Variants in NEBL observed in about 807,000 individuals in gnomAD.
NEBL encodes LIM and SH3 protein 2.
NEBL carries 122 observed loss-of-function variants against 140.2 expected under a neutral mutation model. The observed-to-expected ratio is 0.87, with a 90% CI of 0.75 to 1.01. The LOEUF (loss-of-function observed/expected upper bound fraction) is 1.01. Among genes scored for constraint, NEBL ranks in the 50% least tolerant of loss-of-function variants. The pLI, the probability that NEBL is intolerant of heterozygous loss-of-function variation, is 0.00. For missense variants in NEBL, 1,365 were observed against 1,231.3 expected, an observed-to-expected ratio of 1.11 and a Z score of -1.62; for synonymous variants, 436 against 398.9, an observed-to-expected ratio of 1.09 and a Z score of -1.11.
Position 20,855,327 on chromosome 10 carries a change from T to G in NEBL, c.904-2678A>C, listed in dbSNP as rs187942199. Among the ~76,000 whole-genome samples the G allele has an allele frequency of 2.0e-3, 306 of 152,048 alleles. 2 individuals carry two copies. Among genetic ancestry groups the G allele is most frequent in the Middle Eastern group, 6.8e-3 (2 of 292 alleles). On this transcript the variant is annotated intron_variant, in intron 9 of 27. Transcript: ENST00000377122. ...TTTGATTAGAAGTTATCTTGTAATA[T>G]GTATTTATAAAATAATCATGAATGT...
intron 4 of NEBL, among the ~76,000 whole-genome samples, chr10:20,902,429 G>T (rs991043835): frequency 4.0e-5 from 6 of 151,768 alleles, no homozygotes; most frequent in Admixed American, 3.3e-4. Context: ...ATTTAATAAG[G>T]TATATTCCAT....
At chr10:21,272,255 G>A (rs1037286910) in intron 1 of NEBL, among the ~76,000 whole-genome samples, 17 of 145,336 alleles carry the variant, frequency 1.2e-4, no homozygotes, top group Admixed American at 2.8e-4. Flanking sequence ...GTAAGCCACC[G>A]CACCCGGCAA....
Position 21,042,292 on chromosome 10 carries a change from G to A in NEBL, c.165-22091C>T, listed in dbSNP as rs1288079963. Among the ~76,000 whole-genome samples, 3 of 152,202 alleles carry A rather than the reference G, an allele frequency of 2.0e-5. No homozygotes were observed. In the East Asian group the frequency reaches 5.8e-4, roughly 29 times the overall value. On this transcript the variant is annotated intron_variant, in intron 2 of 6. Transcript: ENST00000417816. ...GTACGTCTTGGAGAGTACACAGCTA[G>A]TGAGTGTTGGATCCAAAAATCTAAC...
intron 3 of NEBL, among the ~76,000 whole-genome samples, chr10:21,200,154 G>T (rs1341391298): frequency 6.6e-6 from 1 of 151,878 alleles, no homozygotes; most frequent in Non-Finnish European, 1.5e-5. Flanking sequence ...TACCCTACAG[G>T]TGCTGCACCA....
intron 3 of NEBL, among the ~76,000 whole-genome samples, chr10:20,985,147 G>A (rs1837207690): frequency 6.6e-6 from 1 of 152,154 alleles, no homozygotes; most frequent in South Asian, 2.1e-4. Context: ...TAAATGTAAT[G>A]TACTTGAATT....
chr10:20,962,633 G>A (rs1016598825), intron 3 of NEBL, among the ~76,000 whole-genome samples: 2 of 152,162 alleles, frequency 1.3e-5, no homozygotes, highest in Admixed American at 1.3e-4. Context: ...TGTCACACCA[G>A]TTAAAGATTT....
intron 2 of NEBL, chr10:21,030,578 C>G (rs193042315): frequency 5.9e-4 from 395 of 666,652 alleles, no homozygotes; most frequent in African/African-American, 5.8e-3. Context: ...CACGAATACC[C>G]TACAAGTGGT....
chr10:21,138,967 A>G (rs906917363), intron 2 of NEBL, among the ~76,000 whole-genome samples: 3 of 152,350 alleles, frequency 2.0e-5, no homozygotes, highest in Non-Finnish European at 2.9e-5. Context: ...AACAGCCACT[A>G]TCCATGACTT....
At chr10:20,861,273 G>A (rs866621594) in intron 7 of NEBL, among the ~76,000 whole-genome samples, 23 of 152,214 alleles carry the variant, frequency 1.5e-4, no homozygotes, top group South Asian at 2.1e-4. Flanking sequence ...CACCTCCCAG[G>A]TTCACGCCAT....
At chr10:20,818,739 G>A in intron 20 of NEBL, 1 of 949,442 alleles carries the variant, frequency 1.1e-6, no homozygotes, top group Non-Finnish European at 1.3e-6. Flanking sequence ...ACAATGCCCA[G>A]TACATTTGGG....
intron 4 of NEBL, among the ~76,000 whole-genome samples, chr10:20,949,785 C>T (rs1835370458): frequency 6.6e-6 from 1 of 151,646 alleles, no homozygotes; most frequent in Non-Finnish European, 1.5e-5. Context: ...ATTTAAATGG[C>T]TGTTAAGCGA....
At chr10:21,222,656 G>C (rs1842087657) in intron 3 of NEBL, among the ~76,000 whole-genome samples, 1 of 152,146 alleles carries the variant, frequency 6.6e-6, no homozygotes, top group African/African-American at 2.4e-5. Flanking sequence ...GAAATATTTT[G>C]ATACAGGCAT....
chr10:21,102,429 T>C (rs1837518774), intron 2 of NEBL, among the ~76,000 whole-genome samples: 1 of 152,188 alleles, frequency 6.6e-6, no homozygotes, highest in South Asian at 2.1e-4. Flanking sequence ...TCCCCATCCT[T>C]ACCCACTAAC....
intron 13 of NEBL, among the ~76,000 whole-genome samples, chr10:20,839,877 A>T (rs1049295199): frequency 6.6e-6 from 1 of 152,166 alleles, no homozygotes; most frequent in East Asian, 1.9e-4. Context: ...TCCTTTTATT[A>T]AGTGGGTTCA....
chr10:21,064,257 C>T (rs1389058915), intron 2 of NEBL, among the ~76,000 whole-genome samples: 2 of 152,168 alleles, frequency 1.3e-5, no homozygotes, highest in African/African-American at 4.8e-5. Context: ...AAAATACATA[C>T]ATATTTCCTT....
chr10:21,165,020 C>G (rs994481981), intron 2 of NEBL, among the ~76,000 whole-genome samples: 1 of 152,172 alleles, frequency 6.6e-6, no homozygotes, highest in Admixed American at 6.5e-5. Flanking sequence ...ACAATGTGAC[C>G]TTTTCTCTTG....
chr10:20,792,900 A>G (rs982524598), intron 26 of NEBL, among the ~76,000 whole-genome samples: 3 of 152,124 alleles, frequency 2.0e-5, no homozygotes, highest in Admixed American at 2.0e-4. Context: ...TTTCTGCTCA[A>G]ATTGCTTTTA....
intron 2 of NEBL, among the ~76,000 whole-genome samples, chr10:21,171,335 C>CAAA (rs576463516): frequency 4.5e-5 from 3 of 66,754 alleles, no homozygotes; most frequent in Admixed American, 1.9e-4. Flanking sequence ...ACTTCTGTCT[C>CAAA]AAAAAAAAAA....
intron 4 of NEBL, among the ~76,000 whole-genome samples, chr10:20,887,690 T>C (rs1315291672): frequency 6.6e-6 from 1 of 152,204 alleles, no homozygotes; most frequent in Non-Finnish European, 1.5e-5. Flanking sequence ...GTACTGGGAT[T>C]ACAGGCCTGA....
Sources: gnomAD v4.1 joint callset for allele counts (sites outside exome capture counted in the v4.1 genomes callset) on GRCh38, gnomAD v4.1.1 for gene constraint, MANE v1.5 for transcripts, NCBI Gene and HGNC (gene_info 2026-07-23, HGNC 2026-07-21) for gene names.